SCUBE3: variants seen among roughly 807,000 people sequenced by gnomAD.
SCUBE3 encodes signal peptide, CUB and EGF-like domain-containing protein 3.
A neutral mutation model predicts 116.8 loss-of-function variants in SCUBE3; 33 were observed. The observed-to-expected ratio is 0.28, with a 90% CI of 0.21 to 0.38. The LOEUF (loss-of-function observed/expected upper bound fraction) is 0.38. SCUBE3 is among the 10% of genes least tolerant of loss of function. SCUBE3 has a pLI of 1.00. For synonymous variants in SCUBE3, 418 were observed against 496.9 expected (o/e 0.84, Z 2.11); for missense variants, 1,007 against 1,324.8 (o/e 0.76, Z 3.72).
chr6:35,230,509 G>A (rs1371584216), intron 3 of SCUBE3, among the ~76,000 whole-genome samples: 1 of 152,204 alleles, frequency 6.6e-6, no homozygotes, highest in Non-Finnish European at 1.5e-5. Flanking sequence ...AGAATTGGAG[G>A]AAAGAGCTTG....
chr6:35,248,506 T>G, intron 21 of SCUBE3, 50 bp from the exon 22 acceptor site: 1 of 1,594,296 alleles, frequency 6.3e-7, no homozygotes, highest in Non-Finnish European at 8.6e-7. Context: ...GTGTTTCTCT[T>G]TCCCACCCCC....
rs1784034278 is a variant in SCUBE3, at chr6:35,241,330, G to A, written c.1195+64G>A. 1.0e-5 allele frequency: 16 copies of A among 1,526,312 alleles called. No individual in the cohort carries two copies. 94.5% of individuals were successfully genotyped at this position (1,526,312 alleles called of 1,614,324 possible). A position where few individuals can be genotyped will look rare whatever the true frequency, so the allele number is the denominator to read the frequency against. On this transcript the variant is annotated intron_variant, in intron 10 of 21. Coordinates refer to ENST00000274938, the MANE Select transcript of SCUBE3 (RefSeq NM_152753.4). The surrounding 1 kb of genome is among the most constrained non-coding windows in gnomAD (Gnocchi z 4.1). ...ATTTCAGGGAGCAGTTGGGGTTCTG[G>A]AAAGCATAGAGTATCACATTGGGGA...
chr6:35,232,762 T>G lies in SCUBE3; in HGVS notation c.470-88T>G. ...TTCAACCTCAGTAGAATTCTCCCAG[T>G]TCCCTAGGTCCCCAGTTGCCCCCTG... On this transcript the variant is annotated intron_variant, in intron 4 of 21. Transcript: ENST00000274938. This position sits in a 1 kb window ranked among gnomAD's most constrained non-coding sequence, Gnocchi z 4.2. 7.4e-7 allele frequency: 1 copy of G among 1,345,222 alleles called. No homozygotes were observed. The highest frequency in any genetic ancestry group is 1.1e-6 in the Non-Finnish European group (1 of 951,102). The allele number at this position is 1,345,222 out of a possible 1,614,324, so 83.3% of individuals were successfully genotyped here.
chr6:35,229,796 T>TG lies in SCUBE3; in HGVS notation c.334+1058dup, dbSNP rs200864481. 4.8e-3 allele frequency among the ~76,000 whole-genome samples: 726 copies of TG among 152,292 alleles called. 4 individuals are homozygous for TG. The highest frequency in any genetic ancestry group is 7.9e-3 in the Non-Finnish European group (535 of 68,018). ...CTGAAGCTCATAGCAGAAAAGGATT[T>TG]GAAATTTGAACCCAGGGCCTTCTCC... is the stretch of plus-strand genomic sequence containing the variant. On this transcript the variant is annotated intron_variant, in intron 3 of 21. Coordinates refer to ENST00000274938, the MANE Select transcript of SCUBE3 (RefSeq NM_152753.4).
At chr6:35,217,709 C>T (rs1329128240) in intron 1 of SCUBE3, among the ~76,000 whole-genome samples, 1 of 152,092 alleles carries the variant, frequency 6.6e-6, no homozygotes, top group African/African-American at 2.4e-5. Flanking sequence ...AAAACCATAA[C>T]CATGTCAGCG....
intron 1 of SCUBE3, among the ~76,000 whole-genome samples, chr6:35,225,730 A>G (rs186354645): frequency 6.6e-6 from 1 of 152,326 alleles, no homozygotes; most frequent in East Asian, 1.9e-4. Context: ...CGGAGGACAG[A>G]TAACTGTCTC....
intron 1 of SCUBE3, among the ~76,000 whole-genome samples, chr6:35,224,886 A>T (rs1332472564): frequency 6.6e-6 from 1 of 152,128 alleles, no homozygotes; most frequent in African/African-American, 2.4e-5. Context: ...TCTTATTCAG[A>T]ACCCCAGAGC....
Position 35,228,763 on chromosome 6 carries a change from G to A in SCUBE3, c.334+24G>A. 6.2e-7 allele frequency: 1 copy of A among 1,611,898 alleles called. No homozygotes were observed. Among genetic ancestry groups the A allele is most frequent in the Non-Finnish European group, 8.5e-7 (1 of 1,178,018 alleles). Reference sequence around the variant, plus strand: ...GGGTAAGCAAAGGAGAGGGGATTTGGTGGAGGGATGTCTTGTGGAGAAAGA... The same window carrying A: ...GGGTAAGCAAAGGAGAGGGGATTTGATGGAGGGATGTCTTGTGGAGAAAGA... On this transcript the variant is annotated intron_variant, in intron 3 of 21. Coordinates refer to ENST00000274938, the MANE Select transcript of SCUBE3 (RefSeq NM_152753.4). This position sits in a 1 kb window ranked among gnomAD's most constrained non-coding sequence, Gnocchi z 4.9.
Position 35,240,024 on chromosome 6 carries a change from T to C in SCUBE3, c.952+150T>C, listed in dbSNP as rs1480791978. On this transcript the variant is annotated intron_variant, in intron 8 of 21. Coordinates refer to ENST00000274938, the MANE Select transcript of SCUBE3 (RefSeq NM_152753.4). The surrounding 1 kb of genome is among the most constrained non-coding windows in gnomAD (Gnocchi z 4.6). ...CATCCTGCAAATTAGCAAATGGTACTCTTTCCCCTCAGCGGACTAGCTCCA... is the reference window on the plus strand; with the variant it reads ...CATCCTGCAAATTAGCAAATGGTACCCTTTCCCCTCAGCGGACTAGCTCCA... 1.5e-5 allele frequency: 10 copies of C among 673,998 alleles called. No individual in the cohort carries two copies. The African/African-American group carries it at 1.9e-4, about 13-fold the overall frequency. The allele number at this position is 673,998 out of a possible 1,614,324, so 41.8% of individuals were successfully genotyped here. A position where few individuals can be genotyped will look rare whatever the true frequency, so the allele number is the denominator to read the frequency against.
intron 3 of SCUBE3, among the ~76,000 whole-genome samples, chr6:35,230,680 T>G (rs958864504): frequency 6.6e-6 from 1 of 152,164 alleles, no homozygotes; most frequent in Admixed American, 6.5e-5. Flanking sequence ...ACACCTTAGC[T>G]CTTCCAACAG....
In SCUBE3 at chr6:35,246,188, C is replaced by T. The variant is rs750575343; in HGVS notation, c.2753-18C>T. 2 of 1,613,682 alleles carry T rather than the reference C, an allele frequency of 1.2e-6. No individual in the cohort carries two copies. Among genetic ancestry groups the T allele is most frequent in the Non-Finnish European group, 1.7e-6 (2 of 1,179,580 alleles). On this transcript the variant is annotated intron_variant, in intron 20 of 21. Coordinates refer to ENST00000274938, the MANE Select transcript of SCUBE3 (RefSeq NM_152753.4). ...AGAGCTCCCGCCCCTGAGCCCCTCA[C>T]CTTGGTTGACTTTGCAGAGGACTAT...
At chr6:35,217,244 GA>G (rs1173078838) in intron 1 of SCUBE3, among the ~76,000 whole-genome samples, 2 of 5,980 alleles carry the variant, frequency 3.3e-4, no homozygotes, top group African/African-American at 7.3e-4. Context: ...GGGCGGGGGG[GA>G]GGCGCGGCGG....
intron 6 of SCUBE3, among the ~76,000 whole-genome samples, chr6:35,237,622 C>T (rs995790979): frequency 2.6e-5 from 4 of 152,162 alleles, no homozygotes; most frequent in Non-Finnish European, 4.4e-5. Flanking sequence ...ACATTCCTGC[C>T]TGACAGCTCT....
chr6:35,241,994 T>G lies in SCUBE3; in HGVS notation c.1417+84T>G. 1 of 1,034,384 alleles carries G rather than the reference T, an allele frequency of 9.7e-7. No homozygotes were observed. The highest frequency in any genetic ancestry group is 1.5e-6 in the Non-Finnish European group (1 of 661,982). 64.1% of individuals were successfully genotyped at this position (1,034,384 alleles called of 1,614,324 possible). ...TTTGTTCTTCATCAATCCCCTGGCC[T>G]TCCTTTCTCCTGGATCCTCTTTTTT... is the stretch of plus-strand genomic sequence containing the variant. On this transcript the variant is annotated intron_variant, in intron 12 of 21. Transcript: ENST00000274938. The surrounding 1 kb of genome is among the most constrained non-coding windows in gnomAD (Gnocchi z 4.1).
rs906837742 is a variant in SCUBE3, at chr6:35,242,836, A to G, written c.1693+56A>G. 1.9e-6 allele frequency: 3 copies of G among 1,592,266 alleles called. No homozygotes were observed. In the African/African-American group the frequency reaches 4.0e-5, roughly 21 times the overall value. Reference sequence around the variant, plus strand: ...CTGGAAGGGGAGGGCAGAGGTGGGGAAACCACAGGTCTCAGCAGCAAAAGG... The same window carrying G: ...CTGGAAGGGGAGGGCAGAGGTGGGGGAACCACAGGTCTCAGCAGCAAAAGG... On this transcript the variant is annotated intron_variant, in intron 14 of 21. Coordinates refer to ENST00000274938, the MANE Select transcript of SCUBE3 (RefSeq NM_152753.4).
intron 13 of SCUBE3, 68 bp from the exon 14 acceptor site, chr6:35,242,554 G>A: frequency 7.1e-7 from 1 of 1,401,220 alleles, no homozygotes; most frequent in South Asian, 1.2e-5. Flanking sequence ...ATCTGGGGAG[G>A]TCTGTCTGGG....
At position 35,233,282 on chromosome 6, in the gene SCUBE3, C is replaced by T. The variant is rs766128386; in HGVS notation, c.693C>T (p.Thr231=). 1.1e-5 allele frequency: 17 copies of T among 1,609,444 alleles called. No individual in the cohort carries two copies. Among genetic ancestry groups the T allele is most frequent in the Admixed American group, 1.0e-4 (6 of 59,880 alleles). Residue 231 remains threonine (T), a synonymous_variant, in exon 6 of 22, where the codon ACC becomes ACT. Transcript: ENST00000274938. This position sits in a 1 kb window ranked among gnomAD's most constrained non-coding sequence, Gnocchi z 5.7. Reference sequence around the variant, plus strand: ...GCCATATCAAGTTTGTGCTCCATACCGACGGGAAGACATGCATCGGTGGGT... The same window carrying T: ...GCCATATCAAGTTTGTGCTCCATACTGACGGGAAGACATGCATCGGTGGGT... ...CGCHIKFVLH[T]DGKTCIETCA...
At position 35,250,828 on chromosome 6, in the gene SCUBE3, G is replaced by C. The variant is rs1426888703; in HGVS notation, c.*2123G>C. ...CCAGGAGACTCAACACTAAATAAAG[G>C]AGTCTGACTCCCTGCCCTCCCATCA... On this transcript the variant is annotated 3_prime_UTR_variant, in exon 22 of 22. Coordinates refer to ENST00000274938, the MANE Select transcript of SCUBE3 (RefSeq NM_152753.4). 1 of 151,756 alleles carries C rather than the reference G, an allele frequency of 6.6e-6. No individual in the cohort carries two copies. The highest frequency in any genetic ancestry group is 1.5e-5 in the Non-Finnish European group (1 of 68,006). The allele number at this position is 151,756 out of a possible 1,614,324, so 9.4% of individuals were successfully genotyped here.
At chr6:35,215,149 C>T (rs1782834422) in intron 1 of SCUBE3, among the ~76,000 whole-genome samples, 1 of 152,184 alleles carries the variant, frequency 6.6e-6, no homozygotes, top group South Asian at 2.1e-4. Context: ...GCATGGCTTT[C>T]ATTTCTTATC....
Sources: gnomAD v4.1 joint callset for allele counts (sites outside exome capture counted in the v4.1 genomes callset) on GRCh38, gnomAD v4.1.1 for gene constraint, Gnocchi (gnomAD v3.1) non-coding constraint, MANE v1.5 for transcripts, NCBI Gene and HGNC (gene_info 2026-07-23, HGNC 2026-07-21) for gene names.